RIMS1: variants seen among roughly 807,000 people sequenced by gnomAD.
The protein encoded by RIMS1 is regulating synaptic membrane exocytosis protein 1.
Under a neutral mutation model 214.1 loss-of-function variants are expected in RIMS1, and 83 were observed. That is an observed-to-expected ratio of 0.39 (90% CI 0.32 to 0.47). RIMS1 has a LOEUF of 0.47. Among genes scored for constraint, RIMS1 ranks in the 20% least tolerant of loss-of-function variants. The pLI, the probability that RIMS1 is intolerant of heterozygous loss-of-function variation, is 0.99. For missense variants in RIMS1, 2,050 were observed against 2,161.8 expected (o/e 0.95, Z 1.03); for synonymous variants, 793 against 786.8 (o/e 1.01, Z -0.13).
At position 72,255,191 on chromosome 6, in the gene RIMS1, G is replaced by T. The variant is rs1420853626; in HGVS notation, c.2770+2359G>T. On this transcript the variant is annotated intron_variant, in intron 16 of 33. Coordinates refer to ENST00000521978, the MANE Select transcript of RIMS1 (RefSeq NM_014989.7). ...AAATGAGTCAGTAAAATAAGGGCAA[G>T]AAGCTAAAATAAAGTGAGGTGATAA... Among the ~76,000 whole-genome samples the T allele has an allele frequency of 5.9e-5, 9 of 152,150 alleles. No individual in the cohort carries two copies. The South Asian group carries it at 1.4e-3, about 24-fold the overall frequency.
chr6:72,152,741 G>A (rs1424911164), intron 4 of RIMS1, among the ~76,000 whole-genome samples: 1 of 132,588 alleles, frequency 7.5e-6, no homozygotes, highest in Admixed American at 8.4e-5. Flanking sequence ...TGGAATATAT[G>A]TATATATATG....
chr6:72,008,259 A>G (rs1808654189), intron 2 of RIMS1, among the ~76,000 whole-genome samples: 1 of 152,224 alleles, frequency 6.6e-6, no homozygotes, highest in Admixed American at 6.5e-5. Context: ...AATACTTTAC[A>G]GACAAGCAAA....
chr6:72,313,634 T>C lies in RIMS1; in HGVS notation c.4092T>C (p.Phe1364=), dbSNP rs1236192498. 11 of 1,613,488 alleles carry C rather than the reference T, an allele frequency of 6.8e-6. No individual in the cohort carries two copies. The Admixed American group carries it at 1.3e-4, about 20-fold the overall frequency. ...CCTCACGCCTCAGCAGCACAAGCTT[T>C]ATGTCAGAGCAATCTGAGCGCCCCA... The part of the protein sequence containing the change: ...SSASRLSSTS[F]MSEQSERPRG... Residue 1364 remains phenylalanine, a synonymous_variant, in exon 28 of 34, where the codon TTT becomes TTC. Coordinates refer to ENST00000521978, the MANE Select transcript of RIMS1 (RefSeq NM_014989.7).
intron 2 of RIMS1, among the ~76,000 whole-genome samples, chr6:72,038,090 CAAAAAAAAAAAAAAAAAAAA>C (rs869130217): frequency 4.5e-5 from 1 of 22,242 alleles, no homozygotes; most frequent in African/African-American, 1.4e-4. Flanking sequence ...AACAAACAAG[CAAAAAAAAAAAAAAAAAAAA>C]AAAAAAAAAT....
At chr6:71,955,085 TTTAG>T (rs1204512567) in intron 1 of RIMS1, among the ~76,000 whole-genome samples, 7 of 152,340 alleles carry the variant, frequency 4.6e-5, no homozygotes, top group Middle Eastern at 6.8e-3. Context: ...CATGATTTTT[TTTAG>T]TTAGTTATTC....
chr6:71,947,903 TACAGGCACTCTAAATTTCTTAGCAG>T (rs1214072343), intron 1 of RIMS1, among the ~76,000 whole-genome samples: 1 of 152,098 alleles, frequency 6.6e-6, no homozygotes, highest in Non-Finnish European at 1.5e-5. Flanking sequence ...GATATGTTTG[TACAGGCACTCTAAATTTCTTAGCAG>T]ACAGGCATTA....
intron 16 of RIMS1, among the ~76,000 whole-genome samples, chr6:72,257,875 C>T (rs578177342): frequency 3.9e-5 from 6 of 152,126 alleles, no homozygotes; most frequent in Non-Finnish European, 7.4e-5. Context: ...TCTGAGGCAT[C>T]AACTGTCATA....
At chr6:72,173,333 A>G (rs906083712) in intron 4 of RIMS1, among the ~76,000 whole-genome samples, 6 of 151,796 alleles carry the variant, frequency 4.0e-5, no homozygotes, top group Non-Finnish European at 5.9e-5. Context: ...TTTTCCATTC[A>G]TTGTATTAAT....
chr6:72,122,207 CTT>C (rs34948011), intron 4 of RIMS1, among the ~76,000 whole-genome samples: 2 of 136,314 alleles, frequency 1.5e-5, no homozygotes, highest in Non-Finnish European at 3.1e-5. Context: ...TTCCTTTTTT[CTT>C]TTTTTTTTTT....
chr6:72,024,180 G>T (rs1272760851), intron 2 of RIMS1, among the ~76,000 whole-genome samples: 2 of 152,110 alleles, frequency 1.3e-5, no homozygotes, highest in African/African-American at 2.4e-5. Context: ...CTGCCTACTG[G>T]TTTTTTATTT....
chr6:72,339,346 A>G (rs905273183), intron 29 of RIMS1, among the ~76,000 whole-genome samples: 2 of 151,912 alleles, frequency 1.3e-5, no homozygotes, highest in African/African-American at 4.8e-5. Context: ...GGTTTGTTAC[A>G]TATGTATACA....
intron 29 of RIMS1, among the ~76,000 whole-genome samples, chr6:72,338,849 AAGAGAGAGAGAG>A (rs59731805): frequency 9.1e-4 from 126 of 138,756 alleles, no homozygotes; most frequent in African/African-American, 2.4e-3. Flanking sequence ...CCAACTTGTG[AAGAGAGAGAGAG>A]AGAGAGAGAG....
At position 72,073,340 on chromosome 6, in the gene RIMS1, A is replaced by G. The variant is rs556873508; in HGVS notation, c.246-23609A>G. Among the ~76,000 whole-genome samples, 179 of 152,310 alleles carry G rather than the reference A, an allele frequency of 1.2e-3. 1 individual carries two copies. Among genetic ancestry groups the G allele is most frequent in the Non-Finnish European group, 2.2e-3 (151 of 68,028 alleles). ...AATCATATCCTTGCCAGAGCTAAACACTTATCTCAACGAAATCAGAACAAA... is the reference window on the plus strand; with the variant it reads ...AATCATATCCTTGCCAGAGCTAAACGCTTATCTCAACGAAATCAGAACAAA... On this transcript the variant is annotated intron_variant, in intron 2 of 33. Coordinates refer to ENST00000521978, the MANE Select transcript of RIMS1 (RefSeq NM_014989.7).
chr6:72,043,131 T>C (rs1239357007), intron 2 of RIMS1, among the ~76,000 whole-genome samples: 1 of 147,178 alleles, frequency 6.8e-6, no homozygotes, highest in Non-Finnish European at 1.5e-5. Context: ...TGCTGTATAA[T>C]GCTATAGTCA....
At chr6:72,198,972 C>A (rs1181698940) in intron 6 of RIMS1, among the ~76,000 whole-genome samples, 2 of 151,960 alleles carry the variant, frequency 1.3e-5, no homozygotes, top group South Asian at 2.1e-4. Context: ...GTAGTCAAGA[C>A]AAATAATAAA....
At chr6:72,205,699 A>G (rs1450817377) in intron 6 of RIMS1, among the ~76,000 whole-genome samples, 1 of 152,194 alleles carries the variant, frequency 6.6e-6, no homozygotes, top group Non-Finnish European at 1.5e-5. Flanking sequence ...AGTTTATAAA[A>G]TGTGATTGCA....
intron 27 of RIMS1, among the ~76,000 whole-genome samples, chr6:72,312,313 A>G (rs1444377295): frequency 2.0e-5 from 3 of 152,160 alleles, no homozygotes; most frequent in Middle Eastern, 3.2e-3. Flanking sequence ...ATTTTGTTTT[A>G]CAGAAGAAGT....
intron 2 of RIMS1, among the ~76,000 whole-genome samples, chr6:72,092,291 C>CCCTCCCTCCCTCCCTTCCTTCCTT (rs745668426): frequency 3.7e-5 from 4 of 107,952 alleles, no homozygotes; most frequent in Non-Finnish European, 8.3e-5. Context: ...CTCCCTCCCT[C>CCCTCCCTCCCTCCCTTCCTTCCTT]CCTTCCTTCC....
At chr6:72,041,172 A>T (rs1821337790) in intron 2 of RIMS1, among the ~76,000 whole-genome samples, 1 of 151,944 alleles carries the variant, frequency 6.6e-6, no homozygotes, top group Non-Finnish European at 1.5e-5. Flanking sequence ...AAAAATAAAC[A>T]AACTGAAGTT....
Sources: allele counts gnomAD v4.1 joint callset (sites outside exome capture counted in the v4.1 genomes callset), GRCh38; gene constraint gnomAD v4.1.1; transcripts MANE v1.5; gene names NCBI Gene and HGNC (gene_info 2026-07-23, HGNC 2026-07-21).